GNA14: variants seen among roughly 807,000 people sequenced by gnomAD.
The protein encoded by GNA14 is guanine nucleotide-binding protein subunit alpha-14.
GNA14 carries 50 observed loss-of-function variants against 42.0 expected under a neutral mutation model. That is an observed-to-expected ratio of 1.19 (90% CI 0.95 to 1.51). GNA14 has a LOEUF of 1.51. Ranked by LOEUF, GNA14 falls within the 40% of genes most tolerant of loss-of-function variation. GNA14 has a pLI of 0.00. For synonymous variants in GNA14, 173 were observed against 163.1 expected, an observed-to-expected ratio of 1.06 and a Z score of -0.46; for missense variants, 473 against 446.2, an observed-to-expected ratio of 1.06 and a Z score of -0.54.
chr9:77,443,502 A>G (rs114906540), intron 2 of GNA14, among the ~76,000 whole-genome samples: 174 of 152,330 alleles, frequency 1.1e-3, no homozygotes, highest in African/African-American at 3.9e-3. Flanking sequence ...ACACACTCAG[A>G]ATAGAAGGAA....
chr9:77,558,294 A>C (rs971018487), intron 1 of GNA14, among the ~76,000 whole-genome samples: 1 of 152,130 alleles, frequency 6.6e-6, no homozygotes, highest in Non-Finnish European at 1.5e-5. Context: ...AGATAGATAG[A>C]TAGACAGACA....
chr9:77,599,329 C>T (rs887454559), intron 1 of GNA14, among the ~76,000 whole-genome samples: 1 of 152,124 alleles, frequency 6.6e-6, no homozygotes, highest in Non-Finnish European at 1.5e-5. Flanking sequence ...AATAAAGACC[C>T]TGGAAGAAAA....
rs1371937815 is a variant in GNA14 at position 77,511,064 on chromosome 9, A to T, written c.309+18005T>A. On this transcript the variant is annotated intron_variant, in intron 2 of 6. Transcript: ENST00000341700. ...TGCATTTTCCCATTCCAAAAAAAAA[A>T]AAAAGTTTTTATTTTTTTTTAATAC... Among the ~76,000 whole-genome samples, 42 of 152,106 alleles carry T rather than the reference A, an allele frequency of 2.8e-4. No individual in the cohort carries two copies. The South Asian group carries it at 8.7e-3, about 32-fold the overall frequency.
intron 1 of GNA14, among the ~76,000 whole-genome samples, chr9:77,618,249 G>A (rs1823854598): frequency 6.6e-6 from 1 of 152,024 alleles, no homozygotes; most frequent in Middle Eastern, 3.2e-3. Flanking sequence ...ATTCTTAAAG[G>A]ATCATTTCAT....
intron 2 of GNA14, among the ~76,000 whole-genome samples, chr9:77,464,351 ATG>A (rs35743834): frequency 0.52 from 74,835 of 144,546 alleles, 19,101 homozygotes; most frequent in East Asian, 0.8. Flanking sequence ...GTGTGTGTAT[ATG>A]TGTGTGTGTG....
At chr9:77,493,673 AT>A (rs1836824731) in intron 2 of GNA14, among the ~76,000 whole-genome samples, 2 of 152,266 alleles carry the variant, frequency 1.3e-5, no homozygotes, top group African/African-American at 4.8e-5. Context: ...TCTGGTTACT[AT>A]TAATTCTGTG....
At chr9:77,533,706 C>T (rs1208123721) in intron 1 of GNA14, among the ~76,000 whole-genome samples, 1 of 152,206 alleles carries the variant, frequency 6.6e-6, no homozygotes, top group African/African-American at 2.4e-5. Flanking sequence ...TGCTATACAG[C>T]TTTGCCTTGG....
chr9:77,481,782 T>C (rs2131729111), intron 2 of GNA14, among the ~76,000 whole-genome samples: 1 of 152,328 alleles, frequency 6.6e-6, no homozygotes, highest in East Asian at 1.9e-4. Flanking sequence ...CTTGTTGAAT[T>C]GATCCCTTTA....
chr9:77,567,696 G>A (rs1166913186), intron 1 of GNA14, among the ~76,000 whole-genome samples: 4 of 151,794 alleles, frequency 2.6e-5, no homozygotes, highest in Admixed American at 6.6e-5. Context: ...GCAAAACCCC[G>A]TCTCTACTAA....
intron 1 of GNA14, among the ~76,000 whole-genome samples, chr9:77,556,250 T>C (rs1310679814): frequency 2.6e-5 from 4 of 151,894 alleles, no homozygotes; most frequent in Non-Finnish European, 5.9e-5. Flanking sequence ...TTTCAAATAA[T>C]AAAAATAAAG....
chr9:77,509,549 A>C (rs1288156478), intron 2 of GNA14, among the ~76,000 whole-genome samples: 1 of 152,212 alleles, frequency 6.6e-6, no homozygotes, highest in Non-Finnish European at 1.5e-5. Context: ...CCCTCCAGAA[A>C]ATTACTAGAT....
chr9:77,452,448 G>A (rs991740212), intron 2 of GNA14, among the ~76,000 whole-genome samples: 1 of 151,796 alleles, frequency 6.6e-6, no homozygotes, highest in Non-Finnish European at 1.5e-5. Context: ...TCTACAAAAC[G>A]TGGTACATAT....
At chr9:77,479,621 C>G (rs1836503716) in intron 2 of GNA14, among the ~76,000 whole-genome samples, 1 of 152,016 alleles carries the variant, frequency 6.6e-6, no homozygotes, top group Non-Finnish European at 1.5e-5. Context: ...GGCAGTATGG[C>G]CATTTTCACG....
Position 77,424,177 on chromosome 9 carries a change from C to G in GNA14, c.878-8G>C, listed in dbSNP as rs1326359528. On this transcript the variant is annotated splice_region_variant and splice_polypyrimidine_tract_variant and intron_variant, in intron 6 of 6. Coordinates refer to ENST00000341700, the MANE Select transcript of GNA14 (RefSeq NM_004297.4). ...TGACATCCTGTTTCGGTCCTAGTCA[C>G]AAGTGCAATTACAGGAATAAAGACA... 5.0e-6 allele frequency: 8 copies of G among 1,591,090 alleles called. No homozygotes were observed. Among genetic ancestry groups the G allele is most frequent in the Non-Finnish European group, 6.9e-6 (8 of 1,165,006 alleles).
rs373607628 is a variant in GNA14 at position 77,534,717 on chromosome 9, G to A, written c.125-5464C>T. On this transcript the variant is annotated intron_variant, in intron 1 of 6. Transcript: ENST00000341700. ...CCCAACAGGCGGAAGACAGACATGC[G>A]CATAACGGATGTGACCAGCAGGTTG... 2.6e-3 allele frequency among the ~76,000 whole-genome samples: 402 copies of A among 152,304 alleles called. 4 individuals are homozygous for A. The highest frequency in any genetic ancestry group is 9.2e-3 in the African/African-American group (383 of 41,572).
At chr9:77,493,001 AG>A (rs770076701) in intron 2 of GNA14, among the ~76,000 whole-genome samples, 6,390 of 53,292 alleles carry the variant, frequency 0.12, 320 homozygotes, top group Non-Finnish European at 0.14. Context: ...ACTCCGTCTC[AG>A]GAAAAAAAAA....
At chr9:77,541,464 ATC>A (rs1252054879) in intron 1 of GNA14, among the ~76,000 whole-genome samples, 1 of 152,042 alleles carries the variant, frequency 6.6e-6, no homozygotes, top group Non-Finnish European at 1.5e-5. Flanking sequence ...TGTTGTTAGA[ATC>A]CTCTCATTGT....
At chr9:77,615,475 C>G (rs534710016) in intron 1 of GNA14, among the ~76,000 whole-genome samples, 84 of 152,232 alleles carry the variant, frequency 5.5e-4, no homozygotes, top group African/African-American at 1.5e-3. Flanking sequence ...CAGGAGACAG[C>G]ACTTTCTGCT....
At chr9:77,488,574 G>A (rs566411990) in intron 2 of GNA14, among the ~76,000 whole-genome samples, 200 of 152,128 alleles carry the variant, frequency 1.3e-3, no homozygotes, top group African/African-American at 4.7e-3. Flanking sequence ...GGTCCTCTGG[G>A]CACAAACACC....
Sources: gnomAD v4.1 joint callset for allele counts (sites outside exome capture counted in the v4.1 genomes callset) on GRCh38, gnomAD v4.1.1 for gene constraint, MANE v1.5 for transcripts, NCBI Gene and HGNC (gene_info 2026-07-23, HGNC 2026-07-21) for gene names.